The following SIKE1 variants were observed in gnomAD, a reference collection of about 807,000 sequenced individuals.
SIKE1 encodes the protein suppressor of IKBKE 1.
In SIKE1, 13 loss-of-function variants were observed where a neutral mutation model predicts 25.8. The observed-to-expected ratio is 0.50, with a 90% CI of 0.33 to 0.80. SIKE1 has a LOEUF of 0.80. Among genes scored for constraint, SIKE1 ranks in the 30% least tolerant of loss-of-function variants. The pLI is 0.02. For missense variants in SIKE1, 222 were observed against 252.4 expected, an observed-to-expected ratio of 0.88 and a Z score of 0.82; for synonymous variants, 86 against 95.5, an observed-to-expected ratio of 0.90 and a Z score of 0.58.
chr1:114,778,761 C>A (rs575819010), intron 3 of SIKE1, among the ~76,000 whole-genome samples: 1 of 152,274 alleles, frequency 6.6e-6, no homozygotes, highest in Non-Finnish European at 1.5e-5. Context: ...CGCAGTGGTT[C>A]ATGCCTATAA....
chr1:114,776,520 G>A (rs954298439), intron 3 of SIKE1, 61 bp from the exon 4 acceptor site: 9 of 1,029,106 alleles, frequency 8.7e-6, no homozygotes, highest in African/African-American at 3.2e-5. Context: ...TATAAAGAAC[G>A]TAAAAGCATG....
chr1:114,780,133 C>G lies in SIKE1; in HGVS notation c.242G>C (p.Arg81Thr), dbSNP rs762957321. 1.2e-6 allele frequency: 2 copies of G among 1,613,662 alleles called. No individual in the cohort carries two copies. The highest frequency in any genetic ancestry group is 1.7e-5 in the Admixed American group (1 of 59,872). The change falls in exon 2 of 5, where the codon AGA becomes ACA. Residue 81 changes from arginine (R) to threonine (T), a missense_variant. Coordinates refer to ENST00000060969, the MANE Select transcript of SIKE1 (RefSeq NM_025073.3). ...ILLSQENTQI[R>T]DLQQENRELW... Reference sequence around the variant, plus strand: ...ACCTCTGTTTTCCTGTTGCAAGTCTCTAATCTGTGTGTTCTCTTGGGACAG... The same window carrying G: ...ACCTCTGTTTTCCTGTTGCAAGTCTGTAATCTGTGTGTTCTCTTGGGACAG...
At position 114,771,402 on chromosome 1, in the gene SIKE1, A is replaced by G. The variant is rs1662066960; in HGVS notation, c.*2869T>C. On this transcript the variant is annotated 3_prime_UTR_variant, in exon 5 of 5. Coordinates refer to ENST00000060969, the MANE Select transcript of SIKE1 (RefSeq NM_025073.3). ...ACAGTATTTGGCATTTAGGCATCTC[A>G]AGTTAGTTAGTGATTAAAAATGTGC... 1 of 152,158 alleles carries G rather than the reference A, an allele frequency of 6.6e-6. No homozygotes were observed. Among genetic ancestry groups the G allele is most frequent in the African/African-American group, 2.4e-5 (1 of 41,442 alleles). The allele number at this position is 152,158 out of a possible 1,614,324, so 9.4% of individuals were successfully genotyped here.
chr1:114,773,453 T>C lies in SIKE1; in HGVS notation c.*818A>G, dbSNP rs1662124683. ...AAAATAGAATGTAGAACTAGTAGGA[T>C]AACATTGAAAAACTGACTACTTATA... is the stretch of plus-strand genomic sequence containing the variant. On this transcript the variant is annotated 3_prime_UTR_variant, in exon 5 of 5. Transcript: ENST00000060969. The C allele has an allele frequency of 6.6e-6, 1 of 152,186 alleles. No individual in the cohort carries two copies. 9.4% of individuals were successfully genotyped at this position (152,186 alleles called of 1,614,324 possible).
In SIKE1 at chr1:114,780,507, G is replaced by T. The variant is rs780432009; in HGVS notation, c.101C>A (p.Ala34Glu). Residue 34 changes from alanine (A) to glutamate (E), a missense_variant, in exon 1 of 5, where the codon GCG becomes GAG. Transcript: ENST00000060969. ...AAAESLVDQS[A>E]ALHRRVAAMR... is the part of the protein sequence containing the mutation. ...AGCTGCTACCCGCCGGTGCAGCGCC[G>T]CCGACTGATCCACCAGCGACTCGGC... is the stretch of plus-strand genomic sequence containing the variant. 1.9e-6 allele frequency: 3 copies of T among 1,613,532 alleles called. No individual in the cohort carries two copies. The highest frequency in any genetic ancestry group is 2.5e-6 in the Non-Finnish European group (3 of 1,180,014).
chr1:114,772,508 C>T lies in SIKE1; in HGVS notation c.*1763G>A, dbSNP rs1662096868. On this transcript the variant is annotated 3_prime_UTR_variant, in exon 5 of 5. Coordinates refer to ENST00000060969, the MANE Select transcript of SIKE1 (RefSeq NM_025073.3). ...GTTAGTATGTCGATTTATCCTAACA[C>T]TTGAGATATAAAGAACTTTATAAAC... The T allele has an allele frequency of 6.6e-6, 1 of 152,124 alleles. No individual in the cohort carries two copies. The highest frequency in any genetic ancestry group is 6.6e-5 in the Admixed American group (1 of 15,266). 9.4% of individuals were successfully genotyped at this position (152,124 alleles called of 1,614,324 possible).
Position 114,772,661 on chromosome 1 carries a change from G to A in SIKE1, c.*1610C>T, listed in dbSNP as rs1225707521. On this transcript the variant is annotated 3_prime_UTR_variant, in exon 5 of 5. Coordinates refer to ENST00000060969, the MANE Select transcript of SIKE1 (RefSeq NM_025073.3). ...GGCTGCCAAATGGTATAGAGTACCT[G>A]CCTCTTGAATGGATTTATGGGGTCA... The A allele has an allele frequency of 6.6e-6, 1 of 152,140 alleles. No homozygotes were observed. 9.4% of individuals were successfully genotyped at this position (152,140 alleles called of 1,614,324 possible).
chr1:114,779,949 TG>T (rs1433592149), intron 2 of SIKE1, among the ~76,000 whole-genome samples, 160 bp downstream of exon 2: 1 of 152,212 alleles, frequency 6.6e-6, no homozygotes, highest in Non-Finnish European at 1.5e-5. Context: ...CAGATGACCT[TG>T]AAAAGGGTAA....
chr1:114,778,406 G>A (rs187607947), intron 3 of SIKE1, among the ~76,000 whole-genome samples: 178 of 152,294 alleles, frequency 1.2e-3, no homozygotes, highest in African/African-American at 4.1e-3. Context: ...CCTGCTGTAT[G>A]TCAGGTACTA....
rs1662020520 is a variant in SIKE1, at chr1:114,769,928, A to G, written c.*4343T>C. The stretch of plus-strand genomic sequence containing the variant: ...AATATTACATTTAAATATAAGTCCC[A>G]AATTATGTATAAAGTGTTGATAAAA... On this transcript the variant is annotated 3_prime_UTR_variant, in exon 5 of 5. Transcript: ENST00000060969. 1 of 152,206 alleles carries G rather than the reference A, an allele frequency of 6.6e-6. No individual in the cohort carries two copies. Among genetic ancestry groups the G allele is most frequent in the South Asian group, 2.1e-4 (1 of 4,836 alleles). 9.4% of individuals were successfully genotyped at this position (152,206 alleles called of 1,614,324 possible).
intron 3 of SIKE1, chr1:114,778,850 A>G (rs951569849): frequency 4.1e-5 from 16 of 392,098 alleles, no homozygotes; most frequent in African/African-American, 3.3e-4. Flanking sequence ...ACATGGCGAA[A>G]TGTCATCTCT....
intron 3 of SIKE1, 145 bp from the exon 4 acceptor site, chr1:114,776,604 C>T: frequency 1.6e-6 from 1 of 636,130 alleles, no homozygotes; most frequent in Non-Finnish European, 2.8e-6. Flanking sequence ...CAATTTTAGT[C>T]CTCAGACATG....
At chr1:114,776,784 C>T (rs535376370) in intron 3 of SIKE1, among the ~76,000 whole-genome samples, 4 of 152,184 alleles carry the variant, frequency 2.6e-5, no homozygotes, top group East Asian at 1.9e-4. Flanking sequence ...AATCATGCTA[C>T]TATAAAGACA....
rs777564136 is a variant in SIKE1, at chr1:114,776,476, G to A, written c.409-17C>T. On this transcript the variant is annotated splice_polypyrimidine_tract_variant and intron_variant, in intron 3 of 4. Transcript: ENST00000060969. Reference sequence around the variant, plus strand: ...CTCAATTTCCTGTGAAGATATTAAGGAAACAAAGGTGGAAAAATCACCTGT... The same window carrying A: ...CTCAATTTCCTGTGAAGATATTAAGAAAACAAAGGTGGAAAAATCACCTGT... 6.5e-7 allele frequency: 1 copy of A among 1,534,072 alleles called. No homozygotes were observed. Among genetic ancestry groups the A allele is most frequent in the African/African-American group, 1.4e-5 (1 of 73,344 alleles).
At chr1:114,778,997 C>A (rs537222543) in intron 3 of SIKE1, 145 bp downstream of exon 3, 226 of 905,060 alleles carry the variant, frequency 2.5e-4, no homozygotes, top group Non-Finnish European at 3.3e-4. Flanking sequence ...GCAGAGGTTG[C>A]AGTGAGCCGA....
Position 114,779,405 on chromosome 1 carries a change from T to C in SIKE1, c.266-121A>G, listed in dbSNP as rs74971590. ...ATATGAATCTAAAGTTGTAAATCAATGTTTAAGTCCGCAAAACTGAACAGT... is the reference window on the plus strand; with the variant it reads ...ATATGAATCTAAAGTTGTAAATCAACGTTTAAGTCCGCAAAACTGAACAGT... On this transcript the variant is annotated intron_variant, in intron 2 of 4. Coordinates refer to ENST00000060969, the MANE Select transcript of SIKE1 (RefSeq NM_025073.3). 2,009 of 1,067,918 alleles carry C rather than the reference T, an allele frequency of 1.9e-3. 34 individuals are homozygous for C. In the African/African-American group the frequency reaches 0.029, roughly 15 times the overall value. The allele number at this position is 1,067,918 out of a possible 1,614,324, so 66.2% of individuals were successfully genotyped here.
intron 3 of SIKE1, 99 bp downstream of exon 3, chr1:114,779,043 G>T: frequency 6.9e-7 from 1 of 1,440,958 alleles, no homozygotes; most frequent in Non-Finnish European, 9.6e-7. Flanking sequence ...GTCGACAAGA[G>T]CCAGACCCTA....
rs1662387128 is a variant in SIKE1 at position 114,780,666 on chromosome 1, TGGGAGTCTGTCTCA to T, written c.-73_-60del. 2 of 1,447,204 alleles carry T rather than the reference TGGGAGTCTGTCTCA, an allele frequency of 1.4e-6. No homozygotes were observed. The highest frequency in any genetic ancestry group is 1.9e-6 in the Non-Finnish European group (2 of 1,066,182). 89.6% of individuals were successfully genotyped at this position (1,447,204 alleles called of 1,614,324 possible). On this transcript the variant is annotated 5_prime_UTR_variant, in exon 1 of 5. An upstream open reading frame in the 5' UTR gains an earlier in-frame stop. Coordinates refer to ENST00000060969, the MANE Select transcript of SIKE1 (RefSeq NM_025073.3). ...AGCTACGCGACTCGCTCAGATCTTC[TGGGAGTCTGTCTCA>T]GCATTACAGGCGTCATTTCCGGGCA...
rs1204204399 is a variant in SIKE1, at chr1:114,770,528, T to C, written c.*3743A>G. 6.6e-6 allele frequency: 1 copy of C among 152,242 alleles called. No individual in the cohort carries two copies. The highest frequency in any genetic ancestry group is 2.4e-5 in the African/African-American group (1 of 41,468). 9.4% of individuals were successfully genotyped at this position (152,242 alleles called of 1,614,324 possible). On this transcript the variant is annotated 3_prime_UTR_variant, in exon 5 of 5. Coordinates refer to ENST00000060969, the MANE Select transcript of SIKE1 (RefSeq NM_025073.3). ...GGAATCTGCATGGTTCCCTCCTTCTTTGTATCACTAATTTTAAAATTGAAG... is the reference window on the plus strand; with the variant it reads ...GGAATCTGCATGGTTCCCTCCTTCTCTGTATCACTAATTTTAAAATTGAAG...
Sources: gnomAD v4.1 joint callset for allele counts (sites outside exome capture counted in the v4.1 genomes callset) on GRCh38, gnomAD v4.1.1 for gene constraint, MANE v1.5 for transcripts, NCBI Gene and HGNC (gene_info 2026-07-23, HGNC 2026-07-21) for gene names.